Variants in TRAT1 observed in about 807,000 individuals in gnomAD.
TRAT1 encodes the protein T-cell receptor-associated transmembrane adapter 1.
In TRAT1, 20 loss-of-function variants were observed where a neutral mutation model predicts 20.0. The observed-to-expected ratio is 1.00, with a 90% CI of 0.70 to 1.45. TRAT1 has a LOEUF of 1.45. TRAT1 is among the 40% of genes most tolerant of loss of function. The pLI is 0.00. For synonymous variants in TRAT1, 77 were observed against 74.2 expected, an observed-to-expected ratio of 1.04 and a Z score of -0.20; for missense variants, 237 against 224.1, an observed-to-expected ratio of 1.06 and a Z score of -0.37.
chr3:108,827,178 A>G (rs1945747945), intron 1 of TRAT1, among the ~76,000 whole-genome samples: 1 of 152,158 alleles, frequency 6.6e-6, no homozygotes. Flanking sequence ...TTTTAAATTG[A>G]TCAAAGCTAT....
At position 108,844,752 on chromosome 3, in the gene TRAT1, C is replaced by G. The variant is rs571822214; in HGVS notation, c.153-2316C>G. 3.6e-4 allele frequency among the ~76,000 whole-genome samples: 51 copies of G among 139,782 alleles called. No individual in the cohort carries two copies. In the Middle Eastern group the frequency reaches 0.012, roughly 34 times the overall value. 91.7% of individuals were successfully genotyped at this position (139,782 alleles called of 152,430 possible). On this transcript the variant is annotated intron_variant, in intron 3 of 5. Transcript: ENST00000295756. Reference sequence around the variant, plus strand: ...CCAGCTACTCGGGAGGCTGAGGCAGCAGAATGACGTGAATCCGGGAGGCGG... The same window carrying G: ...CCAGCTACTCGGGAGGCTGAGGCAGGAGAATGACGTGAATCCGGGAGGCGG...
rs141919296 is a variant in TRAT1 at position 108,843,173 on chromosome 3, C to G, written c.153-3895C>G. Among the ~76,000 whole-genome samples, 214 of 152,318 alleles carry G rather than the reference C, an allele frequency of 1.4e-3. 1 individual carries two copies. Among genetic ancestry groups the G allele is most frequent in the Middle Eastern group, 6.8e-3 (2 of 294 alleles). ...GTTACTTTTTCTGTCCCCTTTGTAT[C>G]ATTCCCACCAATATATAAACAGACT... On this transcript the variant is annotated intron_variant, in intron 3 of 5. Transcript: ENST00000295756.
intron 2 of TRAT1, 54 bp from the exon 3 acceptor site, chr3:108,838,880 T>A (rs1945865526): frequency 7.3e-7 from 1 of 1,367,666 alleles, no homozygotes. Context: ...TTAGAATATT[T>A]AACAAAGGTA....
chr3:108,850,569 G>A (rs1340267953), intron 5 of TRAT1, among the ~76,000 whole-genome samples: 2 of 152,152 alleles, frequency 1.3e-5, no homozygotes, highest in Non-Finnish European at 2.9e-5. Flanking sequence ...CTCCCAAAGT[G>A]CTGGGATTAC....
At chr3:108,841,374 G>A (rs535663870) in intron 3 of TRAT1, among the ~76,000 whole-genome samples, 136 of 152,168 alleles carry the variant, frequency 8.9e-4, no homozygotes, top group Middle Eastern at 6.8e-3. Context: ...TGCTTATGTG[G>A]TTTGGGAACA....
At chr3:108,839,041 A>G in intron 3 of TRAT1, 74 bp downstream of exon 3, 1 of 1,162,816 alleles carries the variant, frequency 8.6e-7, no homozygotes, top group Non-Finnish European at 1.3e-6. Flanking sequence ...TTGTTTAAAG[A>G]TTTGGCTCAT....
At chr3:108,844,730 G>A (rs192808578) in intron 3 of TRAT1, among the ~76,000 whole-genome samples, 1 of 150,066 alleles carries the variant, frequency 6.7e-6, no homozygotes, top group African/African-American at 2.4e-5. Context: ...TGTAGTCCCA[G>A]CTACTCGGGA....
chr3:108,847,355 T>G, intron 4 of TRAT1: 2 of 405,250 alleles, frequency 4.9e-6, no homozygotes, highest in Non-Finnish European at 8.8e-6. Context: ...CTATATTCTC[T>G]TCATTTCACT....
chr3:108,825,421 T>A (rs1191666611), intron 1 of TRAT1, among the ~76,000 whole-genome samples: 1 of 152,008 alleles, frequency 6.6e-6, no homozygotes, highest in Non-Finnish European at 1.5e-5. Flanking sequence ...CATCTTCATT[T>A]TTTTTAAAAA....
At chr3:108,852,741 T>A (rs1946008487) in intron 5 of TRAT1, among the ~76,000 whole-genome samples, 1 of 152,250 alleles carries the variant, frequency 6.6e-6, no homozygotes, top group African/African-American at 2.4e-5. Flanking sequence ...CTCTATGTAC[T>A]AACCATAACA....
At chr3:108,832,197 T>A (rs1200025090) in intron 2 of TRAT1, among the ~76,000 whole-genome samples, 1 of 152,214 alleles carries the variant, frequency 6.6e-6, no homozygotes, top group African/African-American at 2.4e-5. Context: ...AAATCAATGA[T>A]AAGTGTCCAG....
At chr3:108,834,706 G>C (rs1945823649) in intron 2 of TRAT1, among the ~76,000 whole-genome samples, 1 of 152,192 alleles carries the variant, frequency 6.6e-6, no homozygotes, top group Non-Finnish European at 1.5e-5. Flanking sequence ...TGCAAGATCT[G>C]ACTCCACCTT....
intron 2 of TRAT1, among the ~76,000 whole-genome samples, chr3:108,833,345 G>A (rs566422206): frequency 6.6e-6 from 1 of 152,240 alleles, no homozygotes; most frequent in East Asian, 1.9e-4. Flanking sequence ...TTAAACCCAG[G>A]AGGCAGAGGT....
chr3:108,840,354 AATG>A (rs1205461738), intron 3 of TRAT1, among the ~76,000 whole-genome samples: 4 of 152,190 alleles, frequency 2.6e-5, no homozygotes, highest in Non-Finnish European at 5.9e-5. Context: ...TAATCTCTTT[AATG>A]ATCTATTTAA....
At chr3:108,849,622 T>C (rs1945978274) in intron 5 of TRAT1, among the ~76,000 whole-genome samples, 1 of 152,074 alleles carries the variant, frequency 6.6e-6, no homozygotes, top group Non-Finnish European at 1.5e-5. Flanking sequence ...AGAGCTGGGG[T>C]AGGGAGAGGG....
At chr3:108,829,436 T>C (rs1270824420) in intron 1 of TRAT1, among the ~76,000 whole-genome samples, 1 of 151,894 alleles carries the variant, frequency 6.6e-6, no homozygotes, top group African/African-American at 2.4e-5. Context: ...ACTCAAAAAT[T>C]AGCCAGGCGT....
intron 2 of TRAT1, among the ~76,000 whole-genome samples, chr3:108,836,406 T>C (rs1014373561): frequency 6.6e-6 from 1 of 152,192 alleles, no homozygotes; most frequent in African/African-American, 2.4e-5. Context: ...GTTTTCAATG[T>C]TTTTGCTGAT....
At chr3:108,826,870 G>GTAA (rs991486056) in intron 1 of TRAT1, among the ~76,000 whole-genome samples, 4 of 152,182 alleles carry the variant, frequency 2.6e-5, no homozygotes, top group Admixed American at 1.3e-4. Flanking sequence ...AATTGTTTAA[G>GTAA]TAAAGGCTTC....
Position 108,832,678 on chromosome 3 carries a change from C to T in TRAT1, c.118+1898C>T, listed in dbSNP as rs760967060. 2.0e-5 allele frequency among the ~76,000 whole-genome samples: 3 copies of T among 152,160 alleles called. No individual in the cohort carries two copies. The East Asian group carries it at 5.8e-4, about 29-fold the overall frequency. On this transcript the variant is annotated intron_variant, in intron 2 of 5. Transcript: ENST00000295756. ...ACCAGTAACCTGAATTAGTACCTCA[C>T]TCTTTCATTGATTCCACTGATAATC... is the stretch of plus-strand genomic sequence containing the variant.
Sources: gnomAD v4.1 joint callset for allele counts (sites outside exome capture counted in the v4.1 genomes callset) on GRCh38, gnomAD v4.1.1 for gene constraint, MANE v1.5 for transcripts, NCBI Gene and HGNC (gene_info 2026-07-23, HGNC 2026-07-21) for gene names.